Variants in ZNF841 observed in about 807,000 individuals in gnomAD.
The protein encoded by ZNF841 is zinc finger protein 841.
In ZNF841, 11 loss-of-function variants were observed where a neutral mutation model predicts 13.0. The observed-to-expected ratio is 0.85, with a 90% CI of 0.53 to 1.40. ZNF841 has a LOEUF of 1.40. ZNF841 is among the 40% of genes most tolerant of loss of function. ZNF841 has a pLI of 0.00. For missense variants in ZNF841, 1,068 were observed against 1,139.5 expected (o/e 0.94, Z 0.90); for synonymous variants, 369 against 381.6 (o/e 0.97, Z 0.38).
chr19:52,082,335 G>T (rs1237393691), intron 4 of ZNF841, among the ~76,000 whole-genome samples: 1 of 152,162 alleles, frequency 6.6e-6, no homozygotes, highest in Non-Finnish European at 1.5e-5. Context: ...AGAAAATGGA[G>T]AGGTTTGCCA....
intron 6 of ZNF841, 71 bp downstream of exon 6, chr19:52,075,973 T>A: frequency 6.6e-7 from 1 of 1,512,192 alleles, no homozygotes; most frequent in Non-Finnish European, 8.9e-7. Context: ...CCCACAGAAC[T>A]CTCCCACTTG....
At position 52,079,762 on chromosome 19, in the gene ZNF841, C is replaced by A. The variant is rs144379185; in HGVS notation, c.16-2678G>T. Among the ~76,000 whole-genome samples, 1,219 of 152,026 alleles carry A rather than the reference C, an allele frequency of 8.0e-3. 21 individuals are homozygous for A. The highest frequency in any genetic ancestry group is 0.028 in the African/African-American group (1,165 of 41,464). On this transcript the variant is annotated intron_variant, in intron 4 of 6. Coordinates refer to ENST00000594440, the MANE Select transcript of ZNF841 (RefSeq NM_001136499.2). ...ATTCCAGCACTTTGGGAGGCCAAGG[C>A]GGGAGGATCACCTGAGGTTGGGAGT...
In ZNF841 at chr19:52,066,112, C is replaced by T. The variant is rs763421410; in HGVS notation, c.1770G>A (p.Met590Ile). 1.2e-6 allele frequency: 2 copies of T among 1,600,322 alleles called. No homozygotes were observed. The highest frequency in any genetic ancestry group is 4.5e-5 in the East Asian group (2 of 44,310). The change falls in exon 7 of 7, where the codon ATG becomes ATA. Residue 590 changes from methionine (M) to isoleucine (I), a missense_variant. Transcript: ENST00000594440. Reference protein sequence around the residue: ...YYSCLARHQRMHTGEKPYKCN... With the variant: ...YYSCLARHQRIHTGEKPYKCN... Reference sequence around the variant, plus strand: ...ATTTGTAAGGTTTCTCTCCGGTATGCATTCTTTGATGACGTGCTAGGCATG... The same window carrying T: ...ATTTGTAAGGTTTCTCTCCGGTATGTATTCTTTGATGACGTGCTAGGCATG...
At chr19:52,094,398 G>C (rs1455525119) in intron 1 of ZNF841, among the ~76,000 whole-genome samples, 2 of 152,044 alleles carry the variant, frequency 1.3e-5, no homozygotes, top group African/African-American at 2.4e-5. Context: ...CTCTCATTCT[G>C]AGCGTCTTTT....
At chr19:52,090,662 A>T in intron 2 of ZNF841, among the ~76,000 whole-genome samples, 1 of 111,374 alleles carries the variant, frequency 9.0e-6, no homozygotes, top group South Asian at 3.0e-4. Flanking sequence ...AAGGAAAGAA[A>T]GAAAGAAAGA....
chr19:52,093,109 C>T (rs888832380), intron 2 of ZNF841, among the ~76,000 whole-genome samples: 2 of 151,916 alleles, frequency 1.3e-5, no homozygotes, highest in Non-Finnish European at 2.9e-5. Context: ...GGGTGAGGCT[C>T]TGTCTCAAAA....
In ZNF841 at chr19:52,067,066, C is replaced by T. The variant is rs971128336; in HGVS notation, c.816G>A (p.Val272=). ...TCTGATGATTAATAAGACTTGAAGA[C>T]ACTCTGAAGGCTTTGCCACACTCAT... is the stretch of plus-strand genomic sequence containing the variant. The part of the protein sequence containing the change: ...IGNECGKAFR[V]SSSLINHQMI... The change falls in exon 7 of 7, where the codon GTG becomes GTA. Residue 272 remains valine (V), a synonymous_variant. Transcript: ENST00000594440. 1 of 1,609,762 alleles carries T rather than the reference C, an allele frequency of 6.2e-7. No homozygotes were observed. Among genetic ancestry groups the T allele is most frequent in the Admixed American group, 1.7e-5 (1 of 59,338 alleles).
rs548677778 is a variant in ZNF841, at chr19:52,084,676, G to A, written c.15+111C>T. The A allele has an allele frequency of 4.1e-5, 50 of 1,221,812 alleles. No individual in the cohort carries two copies. The East Asian group carries it at 7.5e-4, about 18-fold the overall frequency. The allele number at this position is 1,221,812 out of a possible 1,614,324, so 75.7% of individuals were successfully genotyped here. On this transcript the variant is annotated intron_variant, in intron 4 of 6. Coordinates refer to ENST00000594440, the MANE Select transcript of ZNF841 (RefSeq NM_001136499.2). ...ACTGAAGGAAGGCATGGGTGAGTGC[G>A]AGCAAATGTGTCAGGCAGGATACTT... is the stretch of plus-strand genomic sequence containing the variant.
intron 6 of ZNF841, among the ~76,000 whole-genome samples, chr19:52,068,569 C>T (rs376625629): frequency 6.7e-6 from 1 of 150,288 alleles, no homozygotes; most frequent in East Asian, 2.0e-4. Flanking sequence ...CCAGCTACTC[C>T]GGAGCCTGAG....
chr19:52,078,751 A>C (rs1311330400), intron 4 of ZNF841, among the ~76,000 whole-genome samples: 1 of 152,076 alleles, frequency 6.6e-6, no homozygotes, highest in Non-Finnish European at 1.5e-5. Context: ...AGGCCATAGA[A>C]ACATTTAAGA....
At chr19:52,074,407 T>A (rs1282547338) in intron 6 of ZNF841, among the ~76,000 whole-genome samples, 2 of 152,210 alleles carry the variant, frequency 1.3e-5, no homozygotes, top group Non-Finnish European at 2.9e-5. Context: ...AAGATCAAAG[T>A]CGTACTCACT....
intron 4 of ZNF841, among the ~76,000 whole-genome samples, chr19:52,079,962 G>A (rs1600095117): frequency 7.1e-6 from 1 of 141,798 alleles, no homozygotes; most frequent in Non-Finnish European, 1.5e-5. Context: ...TTGTACTCCA[G>A]CCTGGGCAAC....
rs1362133375 is a variant in ZNF841, at chr19:52,084,848, G to A, written c.-47C>T. The A allele has an allele frequency of 2.5e-6, 4 of 1,582,974 alleles. No individual in the cohort carries two copies. In the African/African-American group the frequency reaches 5.5e-5, roughly 22 times the overall value. Reference sequence around the variant, plus strand: ...CTTTCTCTCCTGGGCCTCTCTCTCAGTCAATATAATTAATTCTTTAAAAGT... The same window carrying A: ...CTTTCTCTCCTGGGCCTCTCTCTCAATCAATATAATTAATTCTTTAAAAGT... On this transcript the variant is annotated 5_prime_UTR_variant, in exon 4 of 7. Coordinates refer to ENST00000594440, the MANE Select transcript of ZNF841 (RefSeq NM_001136499.2).
At chr19:52,068,581 C>T (rs894034530) in intron 6 of ZNF841, among the ~76,000 whole-genome samples, 1 of 149,868 alleles carries the variant, frequency 6.7e-6, no homozygotes, top group East Asian at 2.0e-4. Flanking sequence ...GAGCCTGAGA[C>T]AGGAGAATCA....
chr19:52,061,893 G>A (rs1045420651), downstream of ZNF841, among the ~76,000 whole-genome samples: 2 of 151,986 alleles, frequency 1.3e-5, no homozygotes, highest in African/African-American at 4.8e-5. Context: ...GGTGAAGAGC[G>A]ACCATCCCTA....
At chr19:52,059,370 A>ATATATAT in the ZNF841 span, among the ~76,000 whole-genome samples, 1 of 69,648 alleles carries the variant, frequency 1.4e-5, no homozygotes, top group African/African-American at 8.2e-5. Flanking sequence ...AAAAAAAAAA[A>ATATATAT]ATATATATAT....
intron 2 of ZNF841, among the ~76,000 whole-genome samples, chr19:52,091,455 T>C (rs1438679734): frequency 6.6e-6 from 1 of 152,126 alleles, no homozygotes; most frequent in Non-Finnish European, 1.5e-5. Flanking sequence ...ATTATAAAGG[T>C]ACAGCAATCC....
In ZNF841 at chr19:52,067,346, T is replaced by C; in HGVS notation, c.536A>G (p.His179Arg). The change falls in exon 7 of 7, where the codon CAT becomes CGT. Residue 179 changes from histidine to arginine, a missense_variant. By Grantham distance (29) the His-to-Arg change is conservative. Transcript: ENST00000594440. The part of the protein sequence containing the change: ...RHSQGDVENK[H>R]MENQLILRFQ... ...CCTTAATATAAGCTGATTTTCCATA[T>C]GCTTGTTTTCTACGTCCCCTTGACT... is the stretch of plus-strand genomic sequence containing the variant. 4.5e-6 allele frequency: 7 copies of C among 1,550,772 alleles called. No individual in the cohort carries two copies. The highest frequency in any genetic ancestry group is 5.2e-6 in the Non-Finnish European group (6 of 1,146,710).
At chr19:52,090,634 G>A (rs138224484) in intron 2 of ZNF841, among the ~76,000 whole-genome samples, 6,513 of 83,300 alleles carry the variant, frequency 0.078, 381 homozygotes, top group South Asian at 0.11. Flanking sequence ...AAAGAAAGAA[G>A]GAAGGAAGGA....
Sources: allele counts gnomAD v4.1 joint callset (sites outside exome capture counted in the v4.1 genomes callset), GRCh38; gene constraint gnomAD v4.1.1; transcripts MANE v1.5; gene names NCBI Gene and HGNC (gene_info 2026-07-23, HGNC 2026-07-21).